The following EIF4E1B variants were observed in gnomAD, a reference collection of about 807,000 sequenced individuals.
EIF4E1B encodes the protein eukaryotic translation initiation factor 4E family member 1B, also known as eukaryotic translation initiation factor 4E type 1B.
In EIF4E1B, 22 loss-of-function variants were observed where a neutral mutation model predicts 31.3. The ratio of observed to expected loss-of-function variants is 0.70; its 90% confidence interval spans 0.50 to 1.00. EIF4E1B has a LOEUF of 1.00. Ranked by LOEUF, EIF4E1B falls within the 50% of genes least tolerant of loss-of-function variation. The pLI, the probability that EIF4E1B is intolerant of heterozygous loss-of-function variation, is 0.00. For missense variants in EIF4E1B, 290 were observed against 311.6 expected (o/e 0.93, Z 0.52); for synonymous variants, 126 against 120.2 (o/e 1.05, Z -0.31).
chr5:176,646,159 A>G lies in EIF4E1B; in HGVS notation c.*179A>G. ...TGAGCCTTAGGGGCTAGATGGGGGT[A>G]GTGGTGGCAGTCTGAGGACCTAGCT... On this transcript the variant is annotated 3_prime_UTR_variant, in exon 9 of 9. Transcript: ENST00000318682. 1 of 525,356 alleles carries G rather than the reference A, an allele frequency of 1.9e-6. No homozygotes were observed. The highest frequency in any genetic ancestry group is 3.5e-6 in the Non-Finnish European group (1 of 288,178). 32.5% of individuals were successfully genotyped at this position (525,356 alleles called of 1,614,324 possible). A position where few individuals can be genotyped will look rare whatever the true frequency, so the allele number is the denominator to read the frequency against.
chr5:176,642,870 C>CCCCCCCCGGGGGG, intron 3 of EIF4E1B, 68 bp downstream of exon 3: 2 of 1,426,054 alleles, frequency 1.4e-6, no homozygotes, highest in Non-Finnish European at 1.9e-6. Context: ...CCCCCCGCCC[C>CCCCCCCCGGGGGG]AGGTGGGCGG....
Position 176,645,815 on chromosome 5 carries a change from C to A in EIF4E1B, c.615-51C>A. ...TGGTGGCCTAAGTTATCTCTAGGACCCTCTGATGACTACCTGTGTCTCTTT... is the reference window on the plus strand; with the variant it reads ...TGGTGGCCTAAGTTATCTCTAGGACACTCTGATGACTACCTGTGTCTCTTT... On this transcript the variant is annotated intron_variant, in intron 8 of 8. Transcript: ENST00000318682. This position sits in a 1 kb window ranked among gnomAD's most constrained non-coding sequence, Gnocchi z 5.4. The A allele has an allele frequency of 6.8e-7, 1 of 1,470,072 alleles. No homozygotes were observed. The highest frequency in any genetic ancestry group is 9.2e-7 in the Non-Finnish European group (1 of 1,086,118). 91.1% of individuals were successfully genotyped at this position (1,470,072 alleles called of 1,614,324 possible).
chr5:176,633,037 A>G (rs948870587), intron 1 of EIF4E1B, among the ~76,000 whole-genome samples: 8 of 152,150 alleles, frequency 5.3e-5, no homozygotes, highest in Non-Finnish European at 7.4e-5. Context: ...AGTGACACTC[A>G]CTGTGGGAGT....
At position 176,643,218 on chromosome 5, in the gene EIF4E1B, CG is replaced by C. The variant is rs751393132; in HGVS notation, c.158del (p.Gly53AlafsTer110). 6 of 1,612,976 alleles carry C rather than the reference CG, an allele frequency of 3.7e-6. No individual in the cohort carries two copies. The Admixed American group carries it at 6.7e-5, about 18-fold the overall frequency. On this transcript the variant is annotated frameshift_variant, in exon 4 of 9. Coordinates refer to ENST00000318682, the MANE Select transcript of EIF4E1B (RefSeq NM_001099408.2). LOFTEE classifies it high-confidence loss of function. ...CTGTCTCTGAGAGGGAAGGCCCGGA[CG>C]GGGGGCCCCATGGAAGTCAAGCTGG... The part of the protein sequence containing the change: ...TLLSLRGKAR[T>X]GGPMEVKLEL...
intron 1 of EIF4E1B, among the ~76,000 whole-genome samples, chr5:176,639,529 G>C (rs982208208): frequency 6.6e-6 from 1 of 152,158 alleles, no homozygotes; most frequent in Admixed American, 6.5e-5. Context: ...GTGGCTGGGA[G>C]GGTCCTTCCG....
Position 176,642,865 on chromosome 5 carries a change from C to CCCCCCCCCCCCCG in EIF4E1B, c.15+63_15+64insCCCCCCCCCCCCG, listed in dbSNP as rs56115420. On this transcript the variant is annotated intron_variant, in intron 3 of 8. Coordinates refer to ENST00000318682, the MANE Select transcript of EIF4E1B (RefSeq NM_001099408.2). ...GCCCCGCCCTCTCCCCCCCCCCCCC[C>CCCCCCCCCCCCCG]GCCCCAGGTGGGCGGGGCAGGTGCT... 1.6e-3 allele frequency: 1,883 copies of CCCCCCCCCCCCCG among 1,172,106 alleles called. 231 individuals are homozygous for CCCCCCCCCCCCCG. The highest frequency in any genetic ancestry group is 5.4e-3 in the South Asian group (294 of 54,672). The allele number at this position is 1,172,106 out of a possible 1,614,324, so 72.6% of individuals were successfully genotyped here. A position where few individuals can be genotyped will look rare whatever the true frequency, so the allele number is the denominator to read the frequency against.
intron 1 of EIF4E1B, among the ~76,000 whole-genome samples, chr5:176,634,731 G>A (rs1040158596): frequency 4.1e-5 from 6 of 147,646 alleles, no homozygotes; most frequent in African/African-American, 7.5e-5. Flanking sequence ...GTGCAGTGGC[G>A]TGATGTCGGC....
At position 176,646,360 on chromosome 5, in the gene EIF4E1B, G is replaced by A; in HGVS notation, c.*380G>A. On this transcript the variant is annotated 3_prime_UTR_variant, in exon 9 of 9. Coordinates refer to ENST00000318682, the MANE Select transcript of EIF4E1B (RefSeq NM_001099408.2). The stretch of plus-strand genomic sequence containing the variant: ...AGACAGACTCTTCCATGGGTGGTGG[G>A]CTCAAGGGCACAGACATTCTGGAGG... 1 of 202,042 alleles carries A rather than the reference G, an allele frequency of 4.9e-6. No individual in the cohort carries two copies. The highest frequency in any genetic ancestry group is 1.0e-5 in the Non-Finnish European group (1 of 96,558). The allele number at this position is 202,042 out of a possible 1,614,324, so 12.5% of individuals were successfully genotyped here. A position where few individuals can be genotyped will look rare whatever the true frequency, so the allele number is the denominator to read the frequency against.
rs139380594 is a variant in EIF4E1B at position 176,637,765 on chromosome 5, G to A, written c.-201-4278G>A. On this transcript the variant is annotated intron_variant, in intron 1 of 8. Coordinates refer to ENST00000318682, the MANE Select transcript of EIF4E1B (RefSeq NM_001099408.2). ...GGAGGGCTGGAGGGAGGAGGGCCTT[G>A]TGGGCTCCTGCGCTGTGAGCAGAGG... 8.2e-3 allele frequency among the ~76,000 whole-genome samples: 1,251 copies of A among 152,278 alleles called. 15 individuals are homozygous for A. Among genetic ancestry groups the A allele is most frequent in the African/African-American group, 0.024 (1,017 of 41,548 alleles).
At chr5:176,641,457 C>G (rs758883031) in intron 1 of EIF4E1B, among the ~76,000 whole-genome samples, 13 of 152,212 alleles carry the variant, frequency 8.5e-5, no homozygotes, top group Non-Finnish European at 2.9e-5. Context: ...TTCTGATACA[C>G]GCACCTAAGA....
intron 1 of EIF4E1B, among the ~76,000 whole-genome samples, chr5:176,639,060 C>T (rs1760537907): frequency 6.6e-6 from 1 of 152,210 alleles, no homozygotes. Flanking sequence ...CTCGGCCTCC[C>T]AAAGTGCTGG....
At chr5:176,636,014 A>C (rs770493612) in intron 1 of EIF4E1B, among the ~76,000 whole-genome samples, 4 of 151,960 alleles carry the variant, frequency 2.6e-5, no homozygotes, top group Non-Finnish European at 5.9e-5. Flanking sequence ...ACGGGGTTTC[A>C]CCTTGTTGGC....
At chr5:176,639,058 C>T (rs1164699831) in intron 1 of EIF4E1B, among the ~76,000 whole-genome samples, 1 of 152,220 alleles carries the variant, frequency 6.6e-6, no homozygotes, top group African/African-American at 2.4e-5. Context: ...GCCTCGGCCT[C>T]CCAAAGTGCT....
At chr5:176,643,390 C>A in intron 4 of EIF4E1B, 124 bp downstream of exon 4, 1 of 1,265,572 alleles carries the variant, frequency 7.9e-7, no homozygotes, top group Non-Finnish European at 1.1e-6. Context: ...GAGGCCAGGG[C>A]TGACCTAAGC....
intron 1 of EIF4E1B, among the ~76,000 whole-genome samples, chr5:176,637,230 C>T (rs948242959): frequency 6.6e-6 from 1 of 152,136 alleles, no homozygotes; most frequent in African/African-American, 2.4e-5. Flanking sequence ...CCTGCGGTCA[C>T]GAGTTCGAGA....
chr5:176,644,324 C>T (rs1760652696), intron 5 of EIF4E1B, 52 bp from the exon 6 acceptor site: 2 of 1,543,376 alleles, frequency 1.3e-6, no homozygotes, highest in Non-Finnish European at 1.8e-6. Context: ...CCAGTTGGAA[C>T]CAGGCCCTAA....
chr5:176,632,053 C>A (rs1473035873), intron 1 of EIF4E1B, among the ~76,000 whole-genome samples: 3 of 152,052 alleles, frequency 2.0e-5, no homozygotes, highest in Admixed American at 6.6e-5. Flanking sequence ...GTGTGAGAAG[C>A]AAGGTGCCAA....
intron 3 of EIF4E1B, 66 bp downstream of exon 3, chr5:176,642,868 C>CCGGCG: frequency 8.6e-7 from 1 of 1,161,584 alleles, no homozygotes; most frequent in Non-Finnish European, 1.2e-6. Flanking sequence ...CCCCCCCCGC[C>CCGGCG]CCAGGTGGGC....
Position 176,642,858 on chromosome 5 carries a change from C to CT in EIF4E1B, c.15+56_15+57insT, listed in dbSNP as rs1055727224. On this transcript the variant is annotated intron_variant, in intron 3 of 8. Transcript: ENST00000318682. ...CACCATGGCCCCGCCCTCTCCCCCCCCCCCCCCGCCCCAGGTGGGCGGGGC... is the reference window on the plus strand; with the variant it reads ...CACCATGGCCCCGCCCTCTCCCCCCCTCCCCCCCGCCCCAGGTGGGCGGGGC... 8.6e-5 allele frequency: 111 copies of CT among 1,290,744 alleles called. 12 individuals are homozygous for CT. The highest frequency in any genetic ancestry group is 3.0e-4 in the East Asian group (8 of 26,532). The allele number at this position is 1,290,744 out of a possible 1,614,324, so 80.0% of individuals were successfully genotyped here.
Sources: allele counts gnomAD v4.1 joint callset (sites outside exome capture counted in the v4.1 genomes callset), GRCh38; gene constraint gnomAD v4.1.1; non-coding constraint Gnocchi (gnomAD v3.1); transcripts MANE v1.5; gene names NCBI Gene and HGNC (gene_info 2026-07-23, HGNC 2026-07-21).